Variants in NRXN3 observed in about 807,000 individuals in gnomAD.
NRXN3 encodes neurexin 3, also known as neurexin III.
NRXN3 carries 32 observed loss-of-function variants against 137.6 expected under a neutral mutation model. That is an observed-to-expected ratio of 0.23 (90% confidence interval 0.18 to 0.31). The LOEUF is 0.31. NRXN3 is among the 10% of genes least tolerant of loss of function. The probability of loss-of-function intolerance (pLI) is 1.00; values close to 1 mark genes in which losing one functional copy is unlikely to be tolerated. For synonymous variants in NRXN3, 798 were observed against 784.5 expected, an observed-to-expected ratio of 1.02 and a Z score of -0.29; for missense variants, 1,574 against 2,062.5, an observed-to-expected ratio of 0.76 and a Z score of 4.59.
intron 4 of NRXN3, among the ~76,000 whole-genome samples, chr14:78,607,499 G>A (rs1450674908): frequency 6.6e-6 from 1 of 151,772 alleles, no homozygotes; most frequent in Non-Finnish European, 1.5e-5. Flanking sequence ...GCCCAGCTAT[G>A]AGTCTGGAAG....
intron 15 of NRXN3, among the ~76,000 whole-genome samples, chr14:79,324,630 T>C (rs948804955): frequency 6.6e-6 from 1 of 152,204 alleles, no homozygotes; most frequent in Non-Finnish European, 1.5e-5. Context: ...CAGGTAGATT[T>C]GGTCAGGCAT....
intron 4 of NRXN3, among the ~76,000 whole-genome samples, chr14:78,592,822 T>C (rs2097128262): frequency 6.6e-6 from 1 of 152,166 alleles, no homozygotes; most frequent in African/African-American, 2.4e-5. Context: ...CTAAACAATA[T>C]CTGAACGCAG....
intron 15 of NRXN3, among the ~76,000 whole-genome samples, chr14:79,047,631 A>G (rs1383581021): frequency 2.0e-5 from 3 of 152,194 alleles, no homozygotes; most frequent in Non-Finnish European, 2.9e-5. Flanking sequence ...CAATAAAAAT[A>G]GGCACTTTAT....
At chr14:78,325,811 C>A (rs2080007110) in intron 4 of NRXN3, among the ~76,000 whole-genome samples, 1 of 152,202 alleles carries the variant, frequency 6.6e-6, no homozygotes, top group African/African-American at 2.4e-5. Context: ...TCTCTGAGGT[C>A]CCTTCTAGCT....
intron 15 of NRXN3, among the ~76,000 whole-genome samples, chr14:79,422,175 C>T (rs1052638547): frequency 5.9e-5 from 9 of 152,114 alleles, no homozygotes; most frequent in African/African-American, 2.2e-4. Context: ...TCTCCTGCCT[C>T]AGCCTCCCAA....
At chr14:79,497,304 CTT>C (rs2096776565) in intron 16 of NRXN3, among the ~76,000 whole-genome samples, 1 of 152,048 alleles carries the variant, frequency 6.6e-6, no homozygotes, top group South Asian at 2.1e-4. Context: ...ATTCTGGCCT[CTT>C]TACTATCCTC....
At chr14:78,893,743 G>C (rs1437224757) in intron 10 of NRXN3, among the ~76,000 whole-genome samples, 1 of 151,856 alleles carries the variant, frequency 6.6e-6, no homozygotes, top group East Asian at 1.9e-4. Flanking sequence ...ACTTAGCTGA[G>C]AAATTTAGAA....
At chr14:78,394,571 A>G (rs2091213202) in intron 4 of NRXN3, among the ~76,000 whole-genome samples, 1 of 151,844 alleles carries the variant, frequency 6.6e-6, no homozygotes, top group Admixed American at 6.6e-5. Flanking sequence ...TGGTATCACG[A>G]TAATAACTTC....
chr14:78,433,921 G>A (rs1018134738), intron 4 of NRXN3, among the ~76,000 whole-genome samples: 1 of 152,078 alleles, frequency 6.6e-6, no homozygotes, highest in Admixed American at 6.6e-5. Flanking sequence ...GACTTACAAC[G>A]AGGTGATGTC....
intron 6 of NRXN3, among the ~76,000 whole-genome samples, chr14:78,703,226 C>G (rs17108077): frequency 0.01 from 1,575 of 152,236 alleles, 28 homozygotes; most frequent in African/African-American, 0.036. Flanking sequence ...TTGTGCTGTA[C>G]AAAGATAACA....
At chr14:78,513,620 C>G (rs1349367849) in intron 4 of NRXN3, among the ~76,000 whole-genome samples, 2 of 152,072 alleles carry the variant, frequency 1.3e-5, no homozygotes, top group African/African-American at 4.8e-5. Flanking sequence ...AACTGTGTTA[C>G]TGAGACTGCA....
intron 10 of NRXN3, among the ~76,000 whole-genome samples, chr14:78,830,387 G>A (rs1267527546): frequency 6.6e-6 from 1 of 152,010 alleles, no homozygotes; most frequent in East Asian, 1.9e-4. Flanking sequence ...ATTTATGTTT[G>A]ATTCTGAATA....
chr14:79,140,671 C>T (rs1263449759), intron 15 of NRXN3, among the ~76,000 whole-genome samples: 1 of 149,128 alleles, frequency 6.7e-6, no homozygotes, highest in Non-Finnish European at 1.5e-5. Context: ...CTCAAGTCAC[C>T]TAAATAAAAA....
chr14:78,365,921 A>G (rs1484173556), intron 4 of NRXN3, among the ~76,000 whole-genome samples: 1 of 152,198 alleles, frequency 6.6e-6, no homozygotes, highest in Non-Finnish European at 1.5e-5. Flanking sequence ...AGAAAAGCGT[A>G]AAATATAATG....
chr14:78,823,899 A>C (rs184826250), intron 10 of NRXN3, among the ~76,000 whole-genome samples: 1 of 152,248 alleles, frequency 6.6e-6, no homozygotes, highest in African/African-American at 2.4e-5. Flanking sequence ...TGACATCAAA[A>C]AGTAAACCAG....
intron 4 of NRXN3, among the ~76,000 whole-genome samples, chr14:78,453,707 G>C (rs548401936): frequency 4.3e-4 from 66 of 152,282 alleles, no homozygotes; most frequent in African/African-American, 1.5e-3. Context: ...GAGGTCATTA[G>C]GGTGGGCCCT....
At chr14:79,437,063 G>C (rs8017403) in intron 15 of NRXN3, among the ~76,000 whole-genome samples, 45,965 of 151,950 alleles carry the variant, frequency 0.3, 7,146 homozygotes, top group Non-Finnish European at 0.34. Context: ...TTAGTAGCAT[G>C]TCAAAGGCCC....
At chr14:79,774,764 A>G (rs1463973690) in intron 19 of NRXN3, among the ~76,000 whole-genome samples, 18 of 152,190 alleles carry the variant, frequency 1.2e-4, no homozygotes, top group Admixed American at 1.2e-3. Flanking sequence ...GCATTCAGGC[A>G]GTGCTAAGTA....
intron 15 of NRXN3, among the ~76,000 whole-genome samples, chr14:79,301,258 T>G (rs2085086781): frequency 6.6e-6 from 1 of 152,096 alleles, no homozygotes; most frequent in Non-Finnish European, 1.5e-5. Flanking sequence ...CTGCTGTGAT[T>G]GACTGTGGCT....
Sources: gnomAD v4.1 joint callset for allele counts (sites outside exome capture counted in the v4.1 genomes callset) on GRCh38, gnomAD v4.1.1 for gene constraint, MANE v1.5 for transcripts, NCBI Gene and HGNC (gene_info 2026-07-23, HGNC 2026-07-21) for gene names.